Variants in CDK12 observed in about 807,000 individuals in gnomAD.
CDK12 encodes the protein cyclin dependent kinase 12.
Under a neutral mutation model 133.8 loss-of-function variants are expected in CDK12, and 17 were observed. The ratio of observed to expected loss-of-function variants is 0.13; its 90% CI spans 0.09 to 0.19. The LOEUF (loss-of-function observed/expected upper bound fraction) is 0.19. CDK12 is among the 10% of genes least tolerant of loss of function. The pLI is 1.00. For synonymous variants in CDK12, 694 were observed against 683.6 expected (o/e 1.02, Z -0.24); for missense variants, 1,508 against 1,818.7 (o/e 0.83, Z 3.11).
At chr17:39,540,950 T>A (rs528023886) in intron 1 of CDK12, among the ~76,000 whole-genome samples, 2 of 152,110 alleles carry the variant, frequency 1.3e-5, no homozygotes, top group Admixed American at 6.5e-5. Flanking sequence ...ACAAAACAAT[T>A]TATAGGAAGC....
chr17:39,538,053 G>T (rs563245096), downstream of CDK12, among the ~76,000 whole-genome samples: 1 of 152,112 alleles, frequency 6.6e-6, no homozygotes, highest in African/African-American at 2.4e-5. Context: ...TGGAGGATGG[G>T]CCAAGAACCC....
chr17:39,550,380 A>G (rs1567814965), exon 1 of CDK12: 1 of 152,198 alleles, frequency 6.6e-6, no homozygotes, highest in Non-Finnish European at 1.5e-5. Context: ...GGACCTCCAA[A>G]CGGATTGGAA....
At chr17:39,554,230 T>C (rs935683322) in intron 2 of CDK12, among the ~76,000 whole-genome samples, 1 of 152,212 alleles carries the variant, frequency 6.6e-6, no homozygotes, top group African/African-American at 2.4e-5. Context: ...TAAAACAAGC[T>C]GTGTTATAAC....
intron 2 of CDK12, among the ~76,000 whole-genome samples, chr17:39,482,605 T>TTTTTTTTTC (rs2050805509): frequency 7.8e-6 from 1 of 128,550 alleles, no homozygotes; most frequent in African/African-American, 2.6e-5. Context: ...CTACATTTTT[T>TTTTTTTTTC]TTTTTTTTTT....
At chr17:39,515,121 A>G (rs1425448976) in intron 8 of CDK12, among the ~76,000 whole-genome samples, 1 of 152,228 alleles carries the variant, frequency 6.6e-6, no homozygotes, top group Non-Finnish European at 1.5e-5. Context: ...GCTGAGGCAG[A>G]GAATCACTTG....
At chr17:39,525,584 T>C (rs1276317054) in intron 12 of CDK12, among the ~76,000 whole-genome samples, 1 of 152,152 alleles carries the variant, frequency 6.6e-6, no homozygotes, top group Non-Finnish European at 1.5e-5. Context: ...TTCTGATGTA[T>C]AATAAAGGAT....
chr17:39,498,217 G>A (rs568724467), intron 5 of CDK12, among the ~76,000 whole-genome samples: 2 of 150,406 alleles, frequency 1.3e-5, no homozygotes, highest in African/African-American at 4.9e-5. Flanking sequence ...TGGTCTTTTT[G>A]TTTTGTTTTA....
chr17:39,496,369 C>T (rs1434108297), intron 5 of CDK12, among the ~76,000 whole-genome samples: 1 of 152,016 alleles, frequency 6.6e-6, no homozygotes, highest in Non-Finnish European at 1.5e-5. Context: ...ATTTACCAGT[C>T]CCTGTTGAGC....
At chr17:39,555,828 TACACACACACACACACACACACACACAC>T (rs60227908) in intron 2 of CDK12, among the ~76,000 whole-genome samples, 34 of 108,688 alleles carry the variant, frequency 3.1e-4, no homozygotes, top group Middle Eastern at 4.3e-3. Context: ...ACCTCATCTC[TACACACACACACACACACACACACACAC>T]ACACACACAC....
chr17:39,545,209 A>G (rs760043494), upstream of CDK12, among the ~76,000 whole-genome samples: 2 of 151,840 alleles, frequency 1.3e-5, no homozygotes, highest in African/African-American at 2.4e-5. Flanking sequence ...CCCCATCTAT[A>G]TACACAGCCT....
chr17:39,499,532 G>T (rs1242322261), intron 5 of CDK12, among the ~76,000 whole-genome samples: 2 of 134,458 alleles, frequency 1.5e-5, no homozygotes, highest in African/African-American at 5.7e-5. Context: ...TTCTCAAGAT[G>T]GGGTTTTGCT....
chr17:39,498,865 A>G lies in CDK12; in HGVS notation c.2420-2385A>G, dbSNP rs1419585870. ...CATTTTTCTCTCAATTTTTAATACT[A>G]TGATTTTCTCTTTCTTTCTTTCTTT... On this transcript the variant is annotated intron_variant, in intron 5 of 13. Transcript: ENST00000447079. Among the ~76,000 whole-genome samples the G allele has an allele frequency of 1.4e-5, 2 of 145,648 alleles. 1 individual carries two copies. The highest frequency in any genetic ancestry group is 3.0e-5 in the Non-Finnish European group (2 of 66,222).
chr17:39,494,521 C>T lies in CDK12; in HGVS notation c.2249-3C>T, dbSNP rs1317450331. The T allele has an allele frequency of 1.9e-6, 3 of 1,612,906 alleles. No homozygotes were observed. Among genetic ancestry groups the T allele is most frequent in the African/African-American group, 2.7e-5 (2 of 74,890 alleles). ...TAATAACAGTTTACATTTGTTTTGG[C>T]AGGAGAACTAGTGGCTCTGAAGAAG... On this transcript the variant is annotated splice_polypyrimidine_tract_variant and splice_region_variant and intron_variant, in intron 4 of 13. Coordinates refer to ENST00000447079, the MANE Select transcript of CDK12 (RefSeq NM_016507.4).
chr17:39,482,015 CTTT>C (rs56340258), intron 2 of CDK12, among the ~76,000 whole-genome samples: 2 of 96,228 alleles, frequency 2.1e-5, no homozygotes, highest in Non-Finnish European at 4.4e-5. Flanking sequence ...CCTGGCTTGC[CTTT>C]TTTTTTTTTT....
intron 4 of CDK12, among the ~76,000 whole-genome samples, chr17:39,493,635 T>A (rs1423909727): frequency 6.6e-6 from 1 of 152,060 alleles, no homozygotes; most frequent in Non-Finnish European, 1.5e-5. Flanking sequence ...AAATTTTTAG[T>A]TCTAGTTTTG....
intron 3 of CDK12, among the ~76,000 whole-genome samples, chr17:39,562,907 T>C (rs1230035618): frequency 4.5e-4 from 65 of 144,612 alleles, no homozygotes; most frequent in African/African-American, 1.2e-3. Flanking sequence ...CTTTTCTTTT[T>C]TTTTTTTTTT....
At position 39,462,763 on chromosome 17, in the gene CDK12, C is replaced by G; in HGVS notation, c.692C>G (p.Ser231Cys). 6.2e-7 allele frequency: 1 copy of G among 1,614,170 alleles called. No individual in the cohort carries two copies. Among genetic ancestry groups the G allele is most frequent in the Non-Finnish European group, 8.5e-7 (1 of 1,180,030 alleles). The change falls in exon 1 of 14, where the codon TCC becomes TGC. Residue 231 changes from serine to cysteine, a missense_variant. This residue lies in a region of CDK12 where 460 missense variants were observed against 490.8 expected (regional missense o/e 0.94). Coordinates refer to ENST00000447079, the MANE Select transcript of CDK12 (RefSeq NM_016507.4). ...CCCCACAGGAAGTGGTCTGACAGCT[C>G]CAAACAAGATGATAGCCCCTCGGGA... Reference protein sequence around the residue: ...RSPHRKWSDSSKQDDSPSGAS... With the variant: ...RSPHRKWSDSCKQDDSPSGAS...
intron 6 of CDK12, among the ~76,000 whole-genome samples, chr17:39,502,235 C>G (rs780222764): frequency 6.6e-6 from 1 of 152,116 alleles, no homozygotes; most frequent in African/African-American, 2.4e-5. Flanking sequence ...TTACTGCAAG[C>G]TCTGCCTCCC....
Position 39,511,513 on chromosome 17 carries a change from G to GT in CDK12, c.2667-10dup. ...GCCACTGTAAGTTTATGTCATGGTTGTTTTTTATATTTCAGTCGCCCTTAC... is the reference window on the plus strand; with the variant it reads ...GCCACTGTAAGTTTATGTCATGGTTGTTTTTTTATATTTCAGTCGCCCTTAC... On this transcript the variant is annotated splice_polypyrimidine_tract_variant and intron_variant, in intron 7 of 13. Transcript: ENST00000447079. 6.5e-7 allele frequency: 1 copy of GT among 1,530,392 alleles called. No homozygotes were observed. 94.8% of individuals were successfully genotyped at this position (1,530,392 alleles called of 1,614,324 possible). A position where few individuals can be genotyped will look rare whatever the true frequency, so the allele number is the denominator to read the frequency against.
Sources: allele counts gnomAD v4.1 joint callset (sites outside exome capture counted in the v4.1 genomes callset), GRCh38; gene constraint gnomAD v4.1.1; regional missense constraint gnomAD v4.1.1; transcripts MANE v1.5; gene names NCBI Gene and HGNC (gene_info 2026-07-23, HGNC 2026-07-21).